Variants in FGFR3 observed in about 807,000 individuals in gnomAD.
The protein encoded by FGFR3 is FGFR-3.
FGFR3 carries 25 observed loss-of-function variants against 82.9 expected under a neutral mutation model. That is an observed-to-expected ratio of 0.30 (90% CI 0.22 to 0.42). The LOEUF (loss-of-function observed/expected upper bound fraction) is 0.42, where lower values mean the gene tolerates loss of function less well. Ranked by LOEUF, FGFR3 falls within the 10% of genes least tolerant of loss-of-function variation. The pLI is 1.00. For synonymous variants in FGFR3, 620 were observed against 516.0 expected (o/e 1.20, Z -2.73); for missense variants, 1,026 against 1,161.0 (o/e 0.88, Z 1.69).
chr4:1,794,757 G>A (rs1720270647), intron 2 of FGFR3, among the ~76,000 whole-genome samples: 2 of 152,008 alleles, frequency 1.3e-5, no homozygotes, highest in Admixed American at 6.5e-5. Flanking sequence ...CACACGCGCC[G>A]CGGTTCCTCG....
At chr4:1,796,337 T>G (rs1471208470) in intron 2 of FGFR3, among the ~76,000 whole-genome samples, 4 of 152,120 alleles carry the variant, frequency 2.6e-5, no homozygotes, top group Non-Finnish European at 5.9e-5. Flanking sequence ...CCAGATCCCT[T>G]TTTTCCGGAC....
intron 17 of FGFR3, 43 bp from the exon 18 acceptor site, chr4:1,807,073 A>AG (rs1722024437): frequency 1.3e-6 from 2 of 1,555,440 alleles, no homozygotes; most frequent in Non-Finnish European, 1.7e-6. Context: ...CTGTGCGAAG[A>AG]GGGGCTCGGT....
Position 1,808,442 on chromosome 4 carries a change from C to T in FGFR3, c.*1180C>T, listed in dbSNP as rs1722238131. On this transcript the variant is annotated 3_prime_UTR_variant, in exon 18 of 18. Transcript: ENST00000440486. ...GCAAGCTGGTATTTTCATACAAATT[C>T]TTCTAATTGCTGTGTGTCCCAGGCA... is the stretch of plus-strand genomic sequence containing the variant. 8.6e-6 allele frequency: 2 copies of T among 232,150 alleles called. No individual in the cohort carries two copies. The highest frequency in any genetic ancestry group is 2.2e-5 in the African/African-American group (1 of 45,214). 14.4% of individuals were successfully genotyped at this position (232,150 alleles called of 1,614,324 possible).
At chr4:1,806,804 T>C (rs1280344750) in intron 16 of FGFR3, 25 bp from the exon 17 acceptor site, 1 of 1,586,308 alleles carries the variant, frequency 6.3e-7, no homozygotes, top group Non-Finnish European at 8.6e-7. Context: ...GCGGCGGGGC[T>C]CACTCCTGAG....
intron 8 of FGFR3, 46 bp downstream of exon 8, chr4:1,803,882 G>T: frequency 1.3e-6 from 2 of 1,588,464 alleles, no homozygotes; most frequent in Non-Finnish European, 1.7e-6. Context: ...TCTGGGGGAC[G>T]CTGGCTCGGG....
Position 1,806,233 on chromosome 4 carries a change from C to T in FGFR3, c.1960-24C>T, listed in dbSNP as rs764939789. 26 of 1,612,898 alleles carry T rather than the reference C, an allele frequency of 1.6e-5. No homozygotes were observed. The Admixed American group carries it at 4.0e-4, about 25-fold the overall frequency. ...ATGCCAGTAGGACGCCTGGCGCCAA[C>T]ACCGCCTTCCCACACCCTCCCAGGG... On this transcript the variant is annotated intron_variant, in intron 14 of 17. Transcript: ENST00000440486.
At chr4:1,800,737 C>G (rs1721080804) in intron 4 of FGFR3, among the ~76,000 whole-genome samples, 2 of 152,120 alleles carry the variant, frequency 1.3e-5, no homozygotes, top group Admixed American at 6.5e-5. Context: ...CCCATCCTTG[C>G]CTGGAGTCCC....
chr4:1,795,899 C>T (rs1000480490), intron 2 of FGFR3, among the ~76,000 whole-genome samples: 7 of 152,182 alleles, frequency 4.6e-5, no homozygotes, highest in African/African-American at 1.7e-4. Context: ...CTGGGTGGTT[C>T]ATTAACCTGG....
At position 1,801,656 on chromosome 4, in the gene FGFR3, G is replaced by A; in HGVS notation, c.652G>A (p.Val218Met). ...GCAGTGGAGCCTGGTCATGGAAAGC[G>A]TGGTGCCCTCGGACCGCGGCAACTA... ...HQQWSLVMESVVPSDRGNYTC... is the reference protein window; with the variant it reads ...HQQWSLVMESMVPSDRGNYTC... Residue 218 changes from valine (V) to methionine (M), a missense_variant, in exon 6 of 18, where the codon GTG becomes ATG. Val to Met is a conservative substitution (Grantham distance 21). Transcript: ENST00000440486. The A allele has an allele frequency of 1.2e-6, 2 of 1,611,420 alleles. No individual in the cohort carries two copies. The highest frequency in any genetic ancestry group is 1.7e-6 in the Non-Finnish European group (2 of 1,179,388).
In FGFR3 at chr4:1,805,751, G is replaced by C. The variant is rs3135897; in HGVS notation, c.1647G>C (p.Gly549=). 47 of 1,612,336 alleles carry C rather than the reference G, an allele frequency of 2.9e-5. No individual in the cohort carries two copies. Among genetic ancestry groups the C allele is most frequent in the Middle Eastern group, 1.7e-4 (1 of 6,048 alleles). ...CGTCTGAGGAGCCCGTGTCCCCAGG[G>C]CCCCTGTACGTGCTGGTGGAGTACG... The part of the protein sequence containing the change: ...INLLGACTQG[G]PLYVLVEYAA... The change falls in exon 13 of 18, where the codon GGG becomes GGC. Residue 549 remains glycine, a splice_region_variant and synonymous_variant. Transcript: ENST00000440486.
chr4:1,799,851 G>C (rs554428127), intron 4 of FGFR3, 39 bp downstream of exon 4: 1 of 1,605,178 alleles, frequency 6.2e-7, no homozygotes, highest in African/African-American at 1.3e-5. Context: ...GCCGGGGTGG[G>C]GCCCGCTGCC....
chr4:1,801,663 C>T lies in FGFR3; in HGVS notation c.659C>T (p.Pro220Leu). 6.2e-7 allele frequency: 1 copy of T among 1,611,530 alleles called. No individual in the cohort carries two copies. The highest frequency in any genetic ancestry group is 8.5e-7 in the Non-Finnish European group (1 of 1,179,400). The change falls in exon 6 of 18, where the codon CCC becomes CTC. Residue 220 changes from proline (P) to leucine (L), a missense_variant. Around this residue, in one of 9 missense-constraint regions of FGFR3, gnomAD observed 147 missense variants for 228.1 expected, o/e 0.64. Transcript: ENST00000440486. ...QWSLVMESVV[P>L]SDRGNYTCVV... ...AGCCTGGTCATGGAAAGCGTGGTGC[C>T]CTCGGACCGCGGCAACTACACCTGC...
chr4:1,805,022 G>A, intron 10 of FGFR3, 53 bp downstream of exon 10: 1 of 1,507,334 alleles, frequency 6.6e-7, no homozygotes, highest in African/African-American at 1.4e-5. Flanking sequence ...TGGTGGGGGT[G>A]AAACAGCCAC....
rs371898726 is a variant in FGFR3, at chr4:1,804,291, G to C, written c.1076-39G>C. 6.8e-5 allele frequency: 105 copies of C among 1,552,124 alleles called. No homozygotes were observed. In the Middle Eastern group the frequency reaches 6.9e-4, roughly 10 times the overall value. On this transcript the variant is annotated intron_variant, in intron 8 of 17. Coordinates refer to ENST00000440486, the MANE Select transcript of FGFR3 (RefSeq NM_000142.5). ...GGCATCCATGGGAGCCCCGTGGGGGGGGGGGCCAGGCCAGGCCTCAACGCC... is the reference window on the plus strand; with the variant it reads ...GGCATCCATGGGAGCCCCGTGGGGGCGGGGGCCAGGCCAGGCCTCAACGCC...
At position 1,807,399 on chromosome 4, in the gene FGFR3, G is replaced by GCA. The variant is rs2108819867; in HGVS notation, c.*138_*139insAC. On this transcript the variant is annotated 3_prime_UTR_variant, in exon 18 of 18. Coordinates refer to ENST00000440486, the MANE Select transcript of FGFR3 (RefSeq NM_000142.5). The stretch of plus-strand genomic sequence containing the variant: ...AGCTTTGGTCTGTGTGTGTGTGTGT[G>GCA]CGTGTGTGTGTGTGTGTGTGCACAT... 2 of 969,668 alleles carry GCA rather than the reference G, an allele frequency of 2.1e-6. No homozygotes were observed. Among genetic ancestry groups the GCA allele is most frequent in the East Asian group, 3.0e-5 (1 of 33,638 alleles). The allele number at this position is 969,668 out of a possible 1,614,324, so 60.1% of individuals were successfully genotyped here. A position where few individuals can be genotyped will look rare whatever the true frequency, so the allele number is the denominator to read the frequency against.
chr4:1,797,057 G>A (rs1424596285), intron 2 of FGFR3, among the ~76,000 whole-genome samples: 1 of 152,278 alleles, frequency 6.6e-6, no homozygotes, highest in Admixed American at 6.5e-5. Context: ...GAGGTGGGAC[G>A]CGTTGCCTCC....
chr4:1,806,335 T>C lies in FGFR3; in HGVS notation c.2030+8T>C, dbSNP rs1577292540. ...CACTCACCAGAGTGACGTGTACGTG[T>C]CCTGCAGAGCTCAGGCTTCAGGGGT... is the stretch of plus-strand genomic sequence containing the variant. On this transcript the variant is annotated splice_region_variant and intron_variant, in intron 15 of 17. Coordinates refer to ENST00000440486, the MANE Select transcript of FGFR3 (RefSeq NM_000142.5). 1 of 1,613,008 alleles carries C rather than the reference T, an allele frequency of 6.2e-7. No homozygotes were observed. The highest frequency in any genetic ancestry group is 2.2e-5 in the East Asian group (1 of 44,874).
rs1015975898 is a variant in FGFR3 at position 1,807,002 on chromosome 4, C to T, written c.2274+68C>T. The stretch of plus-strand genomic sequence containing the variant: ...CCCCCTGCCGTCCCCGGCCATCCTG[C>T]CCCCCAGAGTGCTGAGGTGTGGGGC... On this transcript the variant is annotated intron_variant, in intron 17 of 17. Coordinates refer to ENST00000440486, the MANE Select transcript of FGFR3 (RefSeq NM_000142.5). The T allele has an allele frequency of 2.6e-4, 399 of 1,553,110 alleles. 1 individual carries two copies. The highest frequency in any genetic ancestry group is 3.2e-4 in the Non-Finnish European group (363 of 1,147,898).
rs769375190 is a variant in FGFR3 at position 1,808,677 on chromosome 4, G to T, written c.*1415G>T. ...TTGGAGGGAAGCCGTGAATTCAGTT[G>T]GTTCGTTCTGTACTGTTACTGGGCC... On this transcript the variant is annotated 3_prime_UTR_variant, in exon 18 of 18. Coordinates refer to ENST00000440486, the MANE Select transcript of FGFR3 (RefSeq NM_000142.5). 4.7e-5 allele frequency: 11 copies of T among 232,032 alleles called. No individual in the cohort carries two copies. The highest frequency in any genetic ancestry group is 6.8e-5 in the Non-Finnish European group (8 of 117,214). 14.4% of individuals were successfully genotyped at this position (232,032 alleles called of 1,614,324 possible).
Sources: allele counts gnomAD v4.1 joint callset (sites outside exome capture counted in the v4.1 genomes callset), GRCh38; gene constraint gnomAD v4.1.1; regional missense constraint gnomAD v4.1.1; transcripts MANE v1.5; gene names NCBI Gene and HGNC (gene_info 2026-07-23, HGNC 2026-07-21).